The following ARID1B variants were observed in gnomAD, a reference collection of about 807,000 sequenced individuals.
ARID1B encodes AT-rich interactive domain-containing protein 1B.
Under a neutral mutation model 212.3 loss-of-function variants are expected in ARID1B, and 30 were observed. The observed-to-expected ratio is 0.14, with a 90% CI of 0.11 to 0.19. ARID1B has a LOEUF of 0.19. Ranked by LOEUF, ARID1B falls within the 10% of genes least tolerant of loss-of-function variation. The pLI, the probability that ARID1B is intolerant of heterozygous loss-of-function variation, is 1.00. For synonymous variants in ARID1B, 1,402 were observed against 1,301.7 expected (o/e 1.08, Z -1.66); for missense variants, 2,891 against 3,204.0 (o/e 0.90, Z 2.36).
intron 4 of ARID1B, among the ~76,000 whole-genome samples, chr6:157,032,813 T>C (rs113661697): frequency 6.6e-6 from 1 of 152,226 alleles, no homozygotes; most frequent in African/African-American, 2.4e-5. Context: ...ATCAAGTATA[T>C]GACTCACCCC....
chr6:157,145,267 G>T (rs181463702), intron 7 of ARID1B, among the ~76,000 whole-genome samples: 1 of 152,124 alleles, frequency 6.6e-6, no homozygotes, highest in Non-Finnish European at 1.5e-5. Context: ...ATTGTGGCCC[G>T]CTCTGGCCCA....
intron 4 of ARID1B, among the ~76,000 whole-genome samples, chr6:157,040,370 A>G (rs1470722135): frequency 6.6e-6 from 1 of 152,244 alleles, no homozygotes; most frequent in East Asian, 1.9e-4. Context: ...GTGGTAACAC[A>G]TGGCACCCTC....
intron 3 of ARID1B, among the ~76,000 whole-genome samples, chr6:156,912,129 C>G (rs1339509474): frequency 6.6e-6 from 1 of 152,036 alleles, no homozygotes; most frequent in African/African-American, 2.4e-5. Flanking sequence ...CCACGTTACC[C>G]ATTATACAAT....
intron 4 of ARID1B, chr6:156,976,847 C>T (rs914368967): frequency 1.7e-6 from 1 of 580,046 alleles, no homozygotes; most frequent in Non-Finnish European, 3.3e-6. Context: ...TTGATGATCA[C>T]AGAGCTGGGA....
intron 2 of ARID1B, among the ~76,000 whole-genome samples, chr6:156,830,256 T>G (rs1459237151): frequency 6.6e-6 from 1 of 152,210 alleles, no homozygotes; most frequent in Non-Finnish European, 1.5e-5. Context: ...ATACCGTACC[T>G]AAGCCGCCAG....
At chr6:156,977,238 A>G (rs1473033449) in intron 4 of ARID1B, among the ~76,000 whole-genome samples, 5 of 151,040 alleles carry the variant, frequency 3.3e-5, no homozygotes, top group African/African-American at 1.2e-4. Flanking sequence ...CAAATTTGGA[A>G]AAAATTCAAG....
At chr6:157,142,574 C>T (rs146752672) in intron 7 of ARID1B, among the ~76,000 whole-genome samples, 2,424 of 152,082 alleles carry the variant, frequency 0.016, 32 homozygotes, top group Non-Finnish European at 0.025. Flanking sequence ...TGCAGTGAGC[C>T]GGGATCACGT....
chr6:156,856,533 C>T (rs754978872), intron 2 of ARID1B, among the ~76,000 whole-genome samples: 12 of 152,204 alleles, frequency 7.9e-5, no homozygotes, highest in South Asian at 2.1e-4. Context: ...CATCCAGACT[C>T]TGACCTTAAC....
intron 5 of ARID1B, among the ~76,000 whole-genome samples, chr6:157,088,173 A>G (rs1392926542): frequency 6.6e-6 from 1 of 152,192 alleles, no homozygotes; most frequent in East Asian, 1.9e-4. Context: ...ACAGGGTCTG[A>G]GTGGTGAATG....
intron 3 of ARID1B, among the ~76,000 whole-genome samples, chr6:156,928,631 G>A (rs796066275): frequency 7.2e-5 from 11 of 152,300 alleles, no homozygotes; most frequent in African/African-American, 2.2e-4. Flanking sequence ...CACTTGAGGG[G>A]CCCCCATTCT....
chr6:157,069,768 G>A lies in ARID1B; in HGVS notation c.2248-14894G>A, dbSNP rs189862896. Among the ~76,000 whole-genome samples, 114 of 152,310 alleles carry A rather than the reference G, an allele frequency of 7.5e-4. 1 individual carries two copies. The highest frequency in any genetic ancestry group is 2.7e-3 in the African/African-American group (111 of 41,572). On this transcript the variant is annotated intron_variant, in intron 4 of 19. Transcript: ENST00000636930. Reference sequence around the variant, plus strand: ...CTAATGATCATGAGTGGTAGGTAATGAGAGGTTGCAAGCTAGTGGAAAGGA... The same window carrying A: ...CTAATGATCATGAGTGGTAGGTAATAAGAGGTTGCAAGCTAGTGGAAAGGA...
At chr6:157,182,491 G>T (rs1792624762) in intron 12 of ARID1B, among the ~76,000 whole-genome samples, 1 of 152,196 alleles carries the variant, frequency 6.6e-6, no homozygotes, top group South Asian at 2.1e-4. Flanking sequence ...CTAACAGGCA[G>T]TCAGAATCAG....
intron 4 of ARID1B, among the ~76,000 whole-genome samples, chr6:156,995,666 A>G (rs1254399475): frequency 6.6e-6 from 1 of 152,220 alleles, no homozygotes; most frequent in Non-Finnish European, 1.5e-5. Flanking sequence ...GCTTAGTGAC[A>G]GAGTGCCCAA....
At chr6:156,969,327 A>G (rs181889256) in intron 4 of ARID1B, among the ~76,000 whole-genome samples, 316 of 152,290 alleles carry the variant, frequency 2.1e-3, no homozygotes, top group Admixed American at 4.9e-3. Context: ...TCTGGGCTTA[A>G]CTTGTACCCC....
chr6:156,806,223 A>G (rs574218220), intron 1 of ARID1B, among the ~76,000 whole-genome samples: 1 of 152,358 alleles, frequency 6.6e-6, no homozygotes, highest in African/African-American at 2.4e-5. Context: ...ACTCACGTTC[A>G]GCACATTCAA....
intron 8 of ARID1B, among the ~76,000 whole-genome samples, chr6:157,163,434 A>G (rs1791087999): frequency 1.3e-5 from 2 of 152,206 alleles, no homozygotes; most frequent in Admixed American, 1.3e-4. Flanking sequence ...GTGCAGTGCG[A>G]GCCTTCTTTT....
At position 157,084,820 on chromosome 6, in the gene ARID1B, G is replaced by A. The variant is rs374696557; in HGVS notation, c.2406G>A (p.Pro802=). Residue 802 remains proline (P), a synonymous_variant, in exon 5 of 20, where the codon CCG becomes CCA. Transcript: ENST00000636930. ...PHASPHLSSI[P]GGPSPSPVGS... Reference sequence around the variant, plus strand: ...CGTCCCCTCATCTCTCCAGCATCCCGGGGGGCCCATCTCCCTCTCCTGTTG... The same window carrying A: ...CGTCCCCTCATCTCTCCAGCATCCCAGGGGGCCCATCTCCCTCTCCTGTTG... The A allele has an allele frequency of 5.8e-5, 94 of 1,607,144 alleles. No individual in the cohort carries two copies. Among genetic ancestry groups the A allele is most frequent in the East Asian group, 1.1e-4 (5 of 44,798 alleles).
At chr6:157,100,828 T>C (rs1030507774) in intron 5 of ARID1B, among the ~76,000 whole-genome samples, 4 of 152,196 alleles carry the variant, frequency 2.6e-5, no homozygotes, top group Non-Finnish European at 4.4e-5. Context: ...AAAATTATAT[T>C]GTCATTTATC....
At chr6:156,874,087 A>AT (rs1453536649) in intron 2 of ARID1B, among the ~76,000 whole-genome samples, 2 of 151,822 alleles carry the variant, frequency 1.3e-5, no homozygotes, top group African/African-American at 4.8e-5. Flanking sequence ...TGTTTGTTTT[A>AT]TTTTGTTTAA....
Sources: gnomAD v4.1 joint callset for allele counts (sites outside exome capture counted in the v4.1 genomes callset) on GRCh38, gnomAD v4.1.1 for gene constraint, MANE v1.5 for transcripts, NCBI Gene and HGNC (gene_info 2026-07-23, HGNC 2026-07-21) for gene names.